STK10: variants seen among roughly 807,000 people sequenced by gnomAD.
STK10 encodes the protein serine/threonine-protein kinase 10.
Under a neutral mutation model 113.8 loss-of-function variants are expected in STK10, and 78 were observed. That is an observed-to-expected ratio of 0.69 (90% CI 0.57 to 0.83). The LOEUF is 0.83. Ranked by LOEUF, STK10 falls within the 40% of genes least tolerant of loss-of-function variation. The probability of loss-of-function intolerance (pLI) is 0.00; values close to 1 mark genes in which losing one functional copy is unlikely to be tolerated. For synonymous variants in STK10, 465 were observed against 494.7 expected (o/e 0.94, Z 0.80); for missense variants, 1,109 against 1,280.1 (o/e 0.87, Z 2.04).
chr5:172,111,404 C>T (rs1486208172), intron 4 of STK10, among the ~76,000 whole-genome samples: 4 of 152,146 alleles, frequency 2.6e-5, no homozygotes, highest in Admixed American at 6.5e-5. Context: ...AATGACACAC[C>T]GTAGGTCCCC....
At chr5:172,182,244 G>A (rs542027049) in intron 1 of STK10, among the ~76,000 whole-genome samples, 6 of 148,928 alleles carry the variant, frequency 4.0e-5, no homozygotes, top group African/African-American at 1.5e-4. Context: ...CGGAGGTTGC[G>A]GTGAGCTGAG....
intron 18 of STK10, among the ~76,000 whole-genome samples, chr5:172,048,054 C>T (rs1200024538): frequency 1.3e-5 from 2 of 152,084 alleles, no homozygotes; most frequent in African/African-American, 4.8e-5. Flanking sequence ...AGGCATGCGC[C>T]ACTGTGCCCG....
intron 7 of STK10, among the ~76,000 whole-genome samples, chr5:172,105,198 T>C (rs1214549125): frequency 2.2e-5 from 2 of 92,686 alleles, no homozygotes; most frequent in Middle Eastern, 9.4e-3. Context: ...CTTCCCAGCA[T>C]GTGTGGAACA....
intron 7 of STK10, among the ~76,000 whole-genome samples, chr5:172,101,245 C>T (rs1768982884): frequency 6.6e-6 from 1 of 151,954 alleles, no homozygotes; most frequent in African/African-American, 2.4e-5. Context: ...CTGAGGCAAG[C>T]AGATCTCCCC....
At chr5:172,123,202 AGCAGGGCAGGCATCT>A (rs1315943699) in intron 3 of STK10, among the ~76,000 whole-genome samples, 1 of 152,242 alleles carries the variant, frequency 6.6e-6, no homozygotes, top group African/African-American at 2.4e-5. Context: ...AACCCCTCTA[AGCAGGGCAGGCATCT>A]GCAGGAAGGT....
In STK10 at chr5:172,146,172, C is replaced by T. The variant is rs150773715; in HGVS notation, c.321+10452G>A. Among the ~76,000 whole-genome samples the T allele has an allele frequency of 1.1e-4, 16 of 152,342 alleles. 1 individual carries two copies. The East Asian group carries it at 2.1e-3, about 20-fold the overall frequency. ...TGTAAATTTCCAGAGGGCAGGCCTT[C>T]GTGTCTGTGCCCCAGCACCTAAACT... On this transcript the variant is annotated intron_variant, in intron 2 of 18. Coordinates refer to ENST00000176763, the MANE Select transcript of STK10 (RefSeq NM_005990.4).
In STK10 at chr5:172,064,749, C is replaced by T. The variant is rs1380126222; in HGVS notation, c.2053G>A (p.Glu685Lys). 1 of 1,614,052 alleles carries T rather than the reference C, an allele frequency of 6.2e-7. No individual in the cohort carries two copies. The highest frequency in any genetic ancestry group is 8.5e-7 in the Non-Finnish European group (1 of 1,180,040). ...QRKESMKQKM[E>K]EHTQKKQLLD... ...AGCTGCTTTTTCTGCGTGTGCTCCT[C>T]CATCTTCTGCTTCATGCTTTCCTTC... The change falls in exon 13 of 19, where the codon GAG becomes AAG. Residue 685 changes from glutamate to lysine, a missense_variant. Transcript: ENST00000176763.
At chr5:172,117,128 A>G (rs751435625) in intron 4 of STK10, among the ~76,000 whole-genome samples, 38 of 151,888 alleles carry the variant, frequency 2.5e-4, no homozygotes, top group Non-Finnish European at 4.3e-4. Context: ...AAAGTACAAA[A>G]AGTAGCCAGG....
rs571908110 is a variant in STK10 at position 172,107,443 on chromosome 5, C to G, written c.593+337G>C. Among the ~76,000 whole-genome samples, 27 of 152,314 alleles carry G rather than the reference C, an allele frequency of 1.8e-4. No homozygotes were observed. In the South Asian group the frequency reaches 5.0e-3, roughly 28 times the overall value. On this transcript the variant is annotated intron_variant, in intron 5 of 18. Transcript: ENST00000176763. ...CTGTTCACCTTCACGGTCCCCATCC[C>G]CGGCCCTCAATACATACGTGGCGAA... is the stretch of plus-strand genomic sequence containing the variant.
At chr5:172,149,500 GTGTGTGTGTGTGTGTGTGTGTC>G (rs1581179057) in intron 2 of STK10, among the ~76,000 whole-genome samples, 2 of 130,094 alleles carry the variant, frequency 1.5e-5, no homozygotes, top group Admixed American at 1.5e-4. Flanking sequence ...GTGCTCGTGT[GTGTGTGTGTGTGTGTGTGTGTC>G]TGTGTGTGTG....
chr5:172,131,936 A>C (rs1021828818), intron 2 of STK10, among the ~76,000 whole-genome samples: 1 of 152,222 alleles, frequency 6.6e-6, no homozygotes, highest in Non-Finnish European at 1.5e-5. Context: ...TAAAAGGGCT[A>C]GAGGCTGTGA....
intron 12 of STK10, among the ~76,000 whole-genome samples, chr5:172,075,347 A>C (rs1768284842): frequency 2.0e-5 from 3 of 152,280 alleles, no homozygotes; most frequent in African/African-American, 7.2e-5. Context: ...CCAGTTAAAT[A>C]AACGGCCAAA....
intron 18 of STK10, among the ~76,000 whole-genome samples, chr5:172,047,954 G>A (rs938007061): frequency 2.7e-5 from 4 of 149,250 alleles, no homozygotes; most frequent in African/African-American, 1.0e-4. Context: ...CCAGGCTGGG[G>A]TGCAGTGATG....
chr5:172,057,235 G>A, intron 15 of STK10, 114 bp downstream of exon 15: 1 of 1,466,532 alleles, frequency 6.8e-7, no homozygotes, highest in South Asian at 1.2e-5. Flanking sequence ...CTCCTCTTGG[G>A]GGCACTTGTC....
intron 2 of STK10, among the ~76,000 whole-genome samples, chr5:172,134,492 A>C (rs1380389592): frequency 2.0e-5 from 3 of 152,158 alleles, no homozygotes; most frequent in African/African-American, 7.2e-5. Context: ...GTCAAAGGGT[A>C]TATGGGGGTT....
chr5:172,176,825 A>G (rs1770767828), intron 1 of STK10, among the ~76,000 whole-genome samples: 1 of 152,168 alleles, frequency 6.6e-6, no homozygotes, highest in South Asian at 2.1e-4. Context: ...ATAGCATTAG[A>G]AGGAGGGGCC....
chr5:172,077,170 C>T (rs1044991112), intron 12 of STK10, among the ~76,000 whole-genome samples: 2 of 152,200 alleles, frequency 1.3e-5, no homozygotes, highest in South Asian at 2.1e-4. Context: ...AGTCCAGCTA[C>T]GTGTCTTCAG....
intron 1 of STK10, among the ~76,000 whole-genome samples, chr5:172,182,344 A>G (rs1770872435): frequency 6.6e-6 from 1 of 151,688 alleles, no homozygotes; most frequent in African/African-American, 2.4e-5. Flanking sequence ...AAAACAACAA[A>G]AAATCAAAAC....
chr5:172,082,905 G>A lies in STK10; in HGVS notation c.1809+56C>T. The A allele has an allele frequency of 6.3e-7, 1 of 1,598,284 alleles. No homozygotes were observed. Among genetic ancestry groups the A allele is most frequent in the Non-Finnish European group, 8.5e-7 (1 of 1,173,316 alleles). On this transcript the variant is annotated intron_variant, in intron 11 of 18. Transcript: ENST00000176763. The surrounding 1 kb of genome is among the most constrained non-coding windows in gnomAD (Gnocchi z 4.3). The stretch of plus-strand genomic sequence containing the variant: ...TCATTCCCACTATGTAGCTTCCACT[G>A]AGAGAACACCTGGAGGCAAGAAGCC...
Sources: gnomAD v4.1 joint callset for allele counts (sites outside exome capture counted in the v4.1 genomes callset) on GRCh38, gnomAD v4.1.1 for gene constraint, Gnocchi (gnomAD v3.1) non-coding constraint, MANE v1.5 for transcripts, NCBI Gene and HGNC (gene_info 2026-07-23, HGNC 2026-07-21) for gene names.